The following PDE10A variants were observed in gnomAD, a reference collection of about 807,000 sequenced individuals.
The protein encoded by PDE10A is cAMP and cAMP-inhibited cGMP 3',5'-cyclic phosphodiesterase 10A.
In PDE10A, 39 loss-of-function variants were observed where a neutral mutation model predicts 97.7. The observed-to-expected ratio is 0.40, with a 90% CI of 0.31 to 0.52. PDE10A has a LOEUF of 0.52. Ranked by LOEUF, PDE10A falls within the 20% of genes least tolerant of loss-of-function variation. PDE10A has a pLI of 0.56. For synonymous variants in PDE10A, 371 were observed against 376.8 expected (o/e 0.98, Z 0.18); for missense variants, 731 against 1,047.8 (o/e 0.70, Z 4.17).
At chr6:165,681,162 G>A (rs1005862383) in intron 1 of PDE10A, among the ~76,000 whole-genome samples, 1 of 152,122 alleles carries the variant, frequency 6.6e-6, no homozygotes. Flanking sequence ...AGCGCTGCAA[G>A]GGGTAGTTCA....
intron 18 of PDE10A, among the ~76,000 whole-genome samples, chr6:165,348,346 T>G (rs967561635): frequency 1.3e-5 from 2 of 150,568 alleles, no homozygotes; most frequent in Non-Finnish European, 2.9e-5. Flanking sequence ...TCTGATATCA[T>G]AGCTTAAAAC....
At chr6:165,440,803 CTA>C (rs141047307) in intron 5 of PDE10A, among the ~76,000 whole-genome samples, 5,562 of 150,068 alleles carry the variant, frequency 0.037, 213 homozygotes, top group African/African-American at 0.098. Context: ...TTAAAATAAC[CTA>C]TATATATATA....
rs1209894167 is a variant in PDE10A at position 165,336,223 on chromosome 6, C to T, written c.2977-12G>A. ...TTGTAGAACCCAAGCTGCCTCCATG[C>T]AAAAACCACGGACAAGAAACAAAAG... On this transcript the variant is annotated splice_polypyrimidine_tract_variant and intron_variant, in intron 20 of 21. Transcript: ENST00000539869. The T allele has an allele frequency of 6.2e-7, 1 of 1,602,616 alleles. No individual in the cohort carries two copies. The highest frequency in any genetic ancestry group is 8.5e-7 in the Non-Finnish European group (1 of 1,170,400).
At chr6:165,576,495 C>T (rs779322792) in intron 1 of PDE10A, 1 of 779,080 alleles carries the variant, frequency 1.3e-6, no homozygotes, top group South Asian at 1.3e-5. Flanking sequence ...ATCTCTTCAA[C>T]TGTAACATCT....
chr6:165,843,134 A>G (rs941711549), intron 1 of PDE10A, among the ~76,000 whole-genome samples: 62 of 152,370 alleles, frequency 4.1e-4, no homozygotes, highest in African/African-American at 1.4e-3. Context: ...AGTGACTTTG[A>G]GCAAGGGTGA....
At chr6:165,977,840 T>C (rs12202930) in intron 1 of PDE10A, among the ~76,000 whole-genome samples, 1 of 152,094 alleles carries the variant, frequency 6.6e-6, no homozygotes, top group Non-Finnish European at 1.5e-5. Flanking sequence ...TTGAAACTAC[T>C]CAAATGTCCA....
chr6:165,618,979 CTAGTG>C (rs750517073), intron 1 of PDE10A, among the ~76,000 whole-genome samples: 15,847 of 117,564 alleles, frequency 0.13, 848 homozygotes, highest in African/African-American at 0.22. Context: ...GTAGTGTAGT[CTAGTG>C]TAGTGTAGTC....
chr6:165,745,715 T>G (rs1402191766), intron 1 of PDE10A, among the ~76,000 whole-genome samples: 1 of 152,242 alleles, frequency 6.6e-6, no homozygotes, highest in Non-Finnish European at 1.5e-5. Context: ...ACTCTGAGGT[T>G]TTGTCTTATG....
intron 1 of PDE10A, among the ~76,000 whole-genome samples, chr6:165,927,647 C>CATATATAT (rs71029572): frequency 0.035 from 2,588 of 73,038 alleles, 121 homozygotes; most frequent in Non-Finnish European, 0.042. Context: ...ATGAGAATGA[C>CATATATAT]ATATATATAT....
intron 1 of PDE10A, among the ~76,000 whole-genome samples, chr6:165,616,923 TTACACTGGC>T (rs1787751276): frequency 6.6e-6 from 1 of 152,220 alleles, no homozygotes; most frequent in African/African-American, 2.4e-5. Context: ...TATTGTTTAA[TTACACTGGC>T]AAACTTCTCT....
At chr6:165,981,723 T>A (rs1008680536) in intron 1 of PDE10A, among the ~76,000 whole-genome samples, 3 of 152,240 alleles carry the variant, frequency 2.0e-5, no homozygotes, top group African/African-American at 4.8e-5. Context: ...ACCTTTGCCA[T>A]CAAACTTCTG....
intron 1 of PDE10A, among the ~76,000 whole-genome samples, chr6:165,831,366 T>C: frequency 2.3e-5 from 1 of 43,600 alleles, no homozygotes; most frequent in Admixed American, 4.0e-4. Flanking sequence ...AGCGAGACTC[T>C]GTCTCAAAAA....
At chr6:165,706,578 G>C (rs1388544307) in intron 1 of PDE10A, among the ~76,000 whole-genome samples, 4 of 152,158 alleles carry the variant, frequency 2.6e-5, no homozygotes, top group African/African-American at 7.2e-5. Context: ...ACACCCCAGG[G>C]CTTCAGTGTT....
At chr6:165,570,990 T>A (rs1256326638) in intron 1 of PDE10A, among the ~76,000 whole-genome samples, 1 of 152,178 alleles carries the variant, frequency 6.6e-6, no homozygotes. Flanking sequence ...CAAATCAATT[T>A]TAGTGAGTAA....
chr6:165,798,233 T>G (rs937892541), intron 1 of PDE10A, among the ~76,000 whole-genome samples: 1 of 152,230 alleles, frequency 6.6e-6, no homozygotes, highest in Non-Finnish European at 1.5e-5. Context: ...CTAATTGTAT[T>G]CTGCCTGTTT....
chr6:165,608,859 C>T (rs982854980), intron 1 of PDE10A, among the ~76,000 whole-genome samples: 1 of 152,206 alleles, frequency 6.6e-6, no homozygotes, highest in Non-Finnish European at 1.5e-5. Flanking sequence ...TCTCTGATAG[C>T]CAGTGATGAT....
chr6:165,859,655 T>C, intron 1 of PDE10A, among the ~76,000 whole-genome samples: 1 of 152,206 alleles, frequency 6.6e-6, no homozygotes, highest in East Asian at 1.9e-4. Context: ...TTTGGATTTG[T>C]AGGGAAGCTT....
chr6:165,573,978 G>C, intron 1 of PDE10A, among the ~76,000 whole-genome samples: 1 of 152,312 alleles, frequency 6.6e-6, no homozygotes, highest in Non-Finnish European at 1.5e-5. Flanking sequence ...CTGGCACTTC[G>C]GCCATTACTG....
intron 1 of PDE10A, among the ~76,000 whole-genome samples, chr6:165,837,499 G>C (rs1330553433): frequency 6.6e-6 from 1 of 151,298 alleles, no homozygotes; most frequent in African/African-American, 2.4e-5. Flanking sequence ...TTAATCTTTT[G>C]CCCATGTTTT....
Sources: gnomAD v4.1 joint callset for allele counts (sites outside exome capture counted in the v4.1 genomes callset) on GRCh38, gnomAD v4.1.1 for gene constraint, MANE v1.5 for transcripts, NCBI Gene and HGNC (gene_info 2026-07-23, HGNC 2026-07-21) for gene names.